UACA: variants seen among roughly 807,000 people sequenced by gnomAD.
UACA encodes the protein uveal autoantigen with coiled-coil domains and ankyrin repeats.
UACA carries 112 observed loss-of-function variants against 160.5 expected under a neutral mutation model. The ratio of observed to expected loss-of-function variants is 0.70; its 90% CI spans 0.60 to 0.82. The LOEUF is 0.82. Among genes scored for constraint, UACA ranks in the 40% least tolerant of loss-of-function variants. The probability of loss-of-function intolerance (pLI) is 0.00; values close to 1 mark genes in which losing one functional copy is unlikely to be tolerated. For missense variants in UACA, 1,574 were observed against 1,614.6 expected (o/e 0.97, Z 0.43); for synonymous variants, 557 against 568.4 (o/e 0.98, Z 0.29).
chr15:70,694,891 A>G lies in UACA; in HGVS notation c.301+126T>C, dbSNP rs932426871. ...CTCAGAAGTAAACTCTTTCTCAACT[A>G]TTTTAAAAACAGAAAATTGAGGACA... On this transcript the variant is annotated intron_variant, in intron 3 of 18. Coordinates refer to ENST00000322954, the MANE Select transcript of UACA (RefSeq NM_018003.4). 6.2e-5 allele frequency: 50 copies of G among 809,032 alleles called. 1 individual carries two copies. In the South Asian group the frequency reaches 7.1e-4, roughly 11 times the overall value. The allele number at this position is 809,032 out of a possible 1,614,324, so 50.1% of individuals were successfully genotyped here. A position where few individuals can be genotyped will look rare whatever the true frequency, so the allele number is the denominator to read the frequency against.
intron 1 of UACA, among the ~76,000 whole-genome samples, chr15:70,728,415 T>C (rs1310682065): frequency 6.6e-6 from 1 of 151,478 alleles, no homozygotes; most frequent in Non-Finnish European, 1.5e-5. Flanking sequence ...AATACAAAAT[T>C]AGCCAGGCGT....
Position 70,656,389 on chromosome 15 carries a change from A to C in UACA, c.*667T>G, listed in dbSNP as rs1052926971. ...AAGATACTGTTGTAGAGATTAAGGCAATTTTATTATAAATTCCTGATATAT... is the reference window on the plus strand; with the variant it reads ...AAGATACTGTTGTAGAGATTAAGGCCATTTTATTATAAATTCCTGATATAT... On this transcript the variant is annotated 3_prime_UTR_variant, in exon 19 of 19. Transcript: ENST00000322954. The C allele has an allele frequency of 2.0e-5, 3 of 152,228 alleles. No homozygotes were observed. Among genetic ancestry groups the C allele is most frequent in the African/African-American group, 7.2e-5 (3 of 41,470 alleles). The allele number at this position is 152,228 out of a possible 1,614,324, so 9.4% of individuals were successfully genotyped here. A position where few individuals can be genotyped will look rare whatever the true frequency, so the allele number is the denominator to read the frequency against.
chr15:70,683,495 A>G (rs945015004), intron 8 of UACA, among the ~76,000 whole-genome samples: 1 of 152,224 alleles, frequency 6.6e-6, no homozygotes, highest in African/African-American at 2.4e-5. Context: ...CCTAAAGGGT[A>G]ATAAAAATAT....
chr15:70,671,798 A>C lies in UACA; in HGVS notation c.1168+167T>G. On this transcript the variant is annotated intron_variant, in intron 14 of 18. Coordinates refer to ENST00000322954, the MANE Select transcript of UACA (RefSeq NM_018003.4). The stretch of plus-strand genomic sequence containing the variant: ...TTCAGTAATTATCAGAATATGTTAG[A>C]AGTTACAATAGTCATCTTAACGTCT... 4 of 417,408 alleles carry C rather than the reference A, an allele frequency of 9.6e-6. No homozygotes were observed. In the Admixed American group the frequency reaches 1.8e-4, roughly 18 times the overall value. The allele number at this position is 417,408 out of a possible 1,614,324, so 25.9% of individuals were successfully genotyped here.
intron 1 of UACA, among the ~76,000 whole-genome samples, chr15:70,748,624 C>T (rs1465110965): frequency 6.6e-6 from 1 of 152,048 alleles, no homozygotes; most frequent in Non-Finnish European, 1.5e-5. Context: ...CCTGCCCCTA[C>T]CCCTCCCTTT....
chr15:70,656,173 A>G lies in UACA; in HGVS notation c.*883T>C, dbSNP rs1428583446. On this transcript the variant is annotated 3_prime_UTR_variant, in exon 19 of 19. Transcript: ENST00000322954. ...ATTTCACATTATTAATCTCATTAAT[A>G]TAACTTTCCTATAAATAAGCATGAA... The G allele has an allele frequency of 6.6e-6, 1 of 152,226 alleles. No individual in the cohort carries two copies. Among genetic ancestry groups the G allele is most frequent in the Non-Finnish European group, 1.5e-5 (1 of 68,040 alleles). 9.4% of individuals were successfully genotyped at this position (152,226 alleles called of 1,614,324 possible).
intron 1 of UACA, chr15:70,703,401 TACA>T: frequency 1.7e-6 from 1 of 588,844 alleles, no homozygotes; most frequent in Non-Finnish European, 2.5e-6. Context: ...CTACTAAATT[TACA>T]ACATTAGGCC....
chr15:70,670,677 A>G (rs1007953109), intron 15 of UACA, among the ~76,000 whole-genome samples: 2 of 146,964 alleles, frequency 1.4e-5, no homozygotes, highest in East Asian at 3.9e-4. Context: ...GATCAAGAGG[A>G]AAAAAAAAAA....
In UACA at chr15:70,667,970, T is replaced by C. The variant is rs1337270794; in HGVS notation, c.2714A>G (p.Glu905Gly). 20 of 1,602,826 alleles carry C rather than the reference T, an allele frequency of 1.2e-5. No homozygotes were observed. Among genetic ancestry groups the C allele is most frequent in the Non-Finnish European group, 1.7e-5 (20 of 1,175,398 alleles). Reference sequence around the variant, plus strand: ...GTTTTCCAGGTTTCTTTTTAATATTTCATTCTTATCTTTTATTTTTACAAA... The same window carrying C: ...GTTTTCCAGGTTTCTTTTTAATATTCCATTCTTATCTTTTATTTTTACAAA... ...QEFVKIKDKN[E>G]ILKRNLENTQ... The change falls in exon 16 of 19, where the codon GAA becomes GGA. Residue 905 changes from glutamate (E) to glycine (G), a missense_variant. Coordinates refer to ENST00000322954, the MANE Select transcript of UACA (RefSeq NM_018003.4).
At chr15:70,693,674 T>C (rs553464538) in intron 3 of UACA, among the ~76,000 whole-genome samples, 1 of 152,030 alleles carries the variant, frequency 6.6e-6, no homozygotes, top group East Asian at 1.9e-4. Context: ...TTGAGCTTGA[T>C]CTGCAAAGAA....
intron 1 of UACA, among the ~76,000 whole-genome samples, chr15:70,749,920 A>G (rs943084607): frequency 5.3e-5 from 8 of 152,190 alleles, no homozygotes; most frequent in African/African-American, 1.9e-4. Flanking sequence ...GAAGATATGG[A>G]CAGTGCTCTC....
At chr15:70,767,845 C>T (rs1200008977), upstream of UACA, among the ~76,000 whole-genome samples, 3 of 152,122 alleles carry the variant, frequency 2.0e-5, no homozygotes, top group Admixed American at 6.5e-5. Flanking sequence ...GGCAGAACCA[C>T]GTGTGGCCAC....
At chr15:70,748,966 A>G (rs1566999137) in intron 1 of UACA, 1 of 153,312 alleles carries the variant, frequency 6.5e-6, no homozygotes, top group Non-Finnish European at 1.5e-5. Flanking sequence ...TCTTAAAACT[A>G]ACTTTAAAAG....
At chr15:70,776,393 A>G in the UACA span, among the ~76,000 whole-genome samples, 3 of 151,048 alleles carry the variant, frequency 2.0e-5, no homozygotes, top group African/African-American at 7.3e-5. Flanking sequence ...GGATATATCC[A>G]CATGACTAAT....
the UACA span, among the ~76,000 whole-genome samples, chr15:70,771,391 T>G: frequency 6.6e-6 from 1 of 152,240 alleles, no homozygotes; most frequent in South Asian, 2.1e-4. Context: ...AGATAATGCT[T>G]TCCTGCTGCT....
chr15:70,699,099 T>G (rs1595896789), intron 2 of UACA, among the ~76,000 whole-genome samples: 2 of 152,316 alleles, frequency 1.3e-5, no homozygotes, highest in African/African-American at 4.8e-5. Context: ...CAGGGTAATT[T>G]ACAGAACTCT....
intron 1 of UACA, among the ~76,000 whole-genome samples, chr15:70,728,504 G>A (rs533228297): frequency 8.0e-5 from 12 of 150,812 alleles, no homozygotes; most frequent in East Asian, 5.9e-4. Context: ...CGGAGGTTGC[G>A]GTGAGCCGAG....
chr15:70,687,862 T>A (rs1897786570), intron 5 of UACA, 42 bp from the exon 6 acceptor site: 1 of 1,589,516 alleles, frequency 6.3e-7, no homozygotes, highest in African/African-American at 1.3e-5. Context: ...GAACATCTGT[T>A]GGTAAGACAC....
chr15:70,694,914 A>G, intron 3 of UACA, 103 bp downstream of exon 3: 2 of 931,970 alleles, frequency 2.1e-6, no homozygotes, highest in African/African-American at 1.7e-5. Flanking sequence ...AAAATTGAGG[A>G]CATCTCTCTT....
Sources: allele counts gnomAD v4.1 joint callset (sites outside exome capture counted in the v4.1 genomes callset), GRCh38; gene constraint gnomAD v4.1.1; transcripts MANE v1.5; gene names NCBI Gene and HGNC (gene_info 2026-07-23, HGNC 2026-07-21).